The following SCAP variants were observed in gnomAD, a reference collection of about 807,000 sequenced individuals.
SCAP encodes the protein sterol regulatory element-binding protein cleavage-activating protein.
In SCAP, 65 loss-of-function variants were observed where a neutral mutation model predicts 123.6. The observed-to-expected ratio is 0.53, with a 90% CI of 0.43 to 0.65. SCAP has a LOEUF of 0.65. SCAP is among the 30% of genes least tolerant of loss of function. The pLI, the probability that SCAP is intolerant of heterozygous loss-of-function variation, is 0.00. For missense variants in SCAP, 1,398 were observed against 1,712.5 expected (o/e 0.82, Z 3.24); for synonymous variants, 740 against 726.3 (o/e 1.02, Z -0.30).
chr3:47,423,072 A>T (rs1274530493), intron 9 of SCAP, among the ~76,000 whole-genome samples: 1 of 152,124 alleles, frequency 6.6e-6, no homozygotes, highest in African/African-American at 2.4e-5. Context: ...ATTTCGCCCC[A>T]TCTCTTCCTA....
intron 9 of SCAP, among the ~76,000 whole-genome samples, chr3:47,423,426 A>G (rs1434859431): frequency 5.3e-5 from 8 of 152,152 alleles, no homozygotes; most frequent in Non-Finnish European, 1.2e-4. Context: ...CACCAAACAC[A>G]AGCCCCACCC....
At chr3:47,422,574 G>C in intron 9 of SCAP, 38 bp from the exon 10 acceptor site, 1 of 1,518,506 alleles carries the variant, frequency 6.6e-7, no homozygotes, top group Non-Finnish European at 9.0e-7. Context: ...GCAACACATG[G>C]CCACTCTGCG....
chr3:47,473,034 C>T (rs557108909), intron 1 of SCAP, among the ~76,000 whole-genome samples: 2 of 136,752 alleles, frequency 1.5e-5, no homozygotes, highest in East Asian at 4.5e-4. Flanking sequence ...GAGCTGAGAT[C>T]ACGCCATTGC....
rs142984933 is a variant in SCAP at position 47,426,103 on chromosome 3, C to T, written c.804G>A (p.Ala268=). Residue 268 remains alanine, a synonymous_variant, in exon 7 of 23, where the codon GCG becomes GCA. Transcript: ENST00000265565. ...LHPSPNCSLR[A]ESLVHVHFKE... is the part of the protein sequence containing the mutation. ...TGAAGTGCACGTGGACCAGGCTCTC[C>T]GCCCGAAGGCTGCAGTTGGGGCTGG... is the stretch of plus-strand genomic sequence containing the variant. 97 of 1,613,858 alleles carry T rather than the reference C, an allele frequency of 6.0e-5. No homozygotes were observed. Among genetic ancestry groups the T allele is most frequent in the Middle Eastern group, 1.6e-4 (1 of 6,078 alleles).
rs571309652 is a variant in SCAP, at chr3:47,475,601, C to A, written c.-99+198G>T. 7.2e-5 allele frequency: 11 copies of A among 152,330 alleles called. No individual in the cohort carries two copies. The East Asian group carries it at 2.1e-3, about 30-fold the overall frequency. The allele number at this position is 152,330 out of a possible 1,614,324, so 9.4% of individuals were successfully genotyped here. ...GGGCCGGCCGGTGCAGGGACACGGC[C>A]GGGTTGGGGGTGGGGACGCGCGGCC... is the stretch of plus-strand genomic sequence containing the variant. On this transcript the variant is annotated intron_variant, in intron 1 of 22. Coordinates refer to ENST00000265565, the MANE Select transcript of SCAP (RefSeq NM_012235.4).
At chr3:47,430,472 G>A (rs1178891406) in intron 3 of SCAP, among the ~76,000 whole-genome samples, 1 of 152,196 alleles carries the variant, frequency 6.6e-6, no homozygotes, top group Non-Finnish European at 1.5e-5. Context: ...GAAAAGAACA[G>A]GTAGGAGAGG....
At chr3:47,445,849 G>A (rs1198815836) in intron 1 of SCAP, among the ~76,000 whole-genome samples, 1 of 151,052 alleles carries the variant, frequency 6.6e-6, no homozygotes, top group Non-Finnish European at 1.5e-5. Context: ...GGGATTACAG[G>A]TGTGAGCCAC....
chr3:47,442,316 C>T (rs1326626230), intron 2 of SCAP, among the ~76,000 whole-genome samples: 1 of 152,150 alleles, frequency 6.6e-6, no homozygotes. Flanking sequence ...GAAAGACAGA[C>T]AGGAACAAGG....
chr3:47,440,631 G>GTGT (rs1706757171), intron 2 of SCAP, among the ~76,000 whole-genome samples: 1 of 152,202 alleles, frequency 6.6e-6, no homozygotes, highest in Non-Finnish European at 1.5e-5. Context: ...GACACTTTGG[G>GTGT]AAGCCAAGGC....
chr3:47,472,659 G>A (rs1317432725), intron 1 of SCAP, among the ~76,000 whole-genome samples: 4 of 152,062 alleles, frequency 2.6e-5, no homozygotes, highest in East Asian at 1.9e-4. Context: ...ACTGTCAAAT[G>A]GCAGTGGTCA....
rs765534780 is a variant in SCAP, at chr3:47,417,178, G to A, written c.3000C>T (p.Cys1000=). The change falls in exon 18 of 23, where the codon TGC becomes TGT. Residue 1000 remains cysteine, a synonymous_variant. Transcript: ENST00000265565. ...EVWDAIEGVL[C]CSSEEVSSGI... ...CTGAGGAGACCTCCTCGCTGCTGCA[G>A]CACAGCACCCCTTCAATGGCGTCCC... is the stretch of plus-strand genomic sequence containing the variant. The A allele has an allele frequency of 3.1e-6, 5 of 1,612,910 alleles. No homozygotes were observed. Among genetic ancestry groups the A allele is most frequent in the Non-Finnish European group, 4.2e-6 (5 of 1,179,996 alleles).
At chr3:47,427,041 GA>G (rs1706163597) in intron 6 of SCAP, 115 bp downstream of exon 6, 1 of 726,672 alleles carries the variant, frequency 1.4e-6, no homozygotes, top group Non-Finnish European at 2.5e-6. Flanking sequence ...AGGAGGCCTG[GA>G]AACTCTCCCA....
chr3:47,474,630 T>C (rs1420264196), intron 1 of SCAP, among the ~76,000 whole-genome samples: 1 of 151,758 alleles, frequency 6.6e-6, no homozygotes, highest in Non-Finnish European at 1.5e-5. Context: ...CCCCCATCTC[T>C]ACAAAAAAAT....
intron 1 of SCAP, among the ~76,000 whole-genome samples, chr3:47,466,806 C>T (rs1034943913): frequency 6.6e-6 from 1 of 151,996 alleles, no homozygotes; most frequent in Non-Finnish European, 1.5e-5. Flanking sequence ...AACTTTTGGC[C>T]GGGCGTGGTG....
chr3:47,424,072 G>A, intron 8 of SCAP, 27 bp from the exon 9 acceptor site: 1 of 1,566,316 alleles, frequency 6.4e-7, no homozygotes, highest in African/African-American at 1.4e-5. Context: ...AGAAGGTGAG[G>A]ACAGTGTTGT....
At chr3:47,417,860 C>T (rs749578606) in intron 16 of SCAP, 34 bp from the exon 17 acceptor site, 58 of 653,210 alleles carry the variant, frequency 8.9e-5, no homozygotes, top group African/African-American at 5.9e-4. Flanking sequence ...AGAGGGGGCA[C>T]GGGGGAGGGG....
At chr3:47,428,311 C>A (rs534867675) in intron 4 of SCAP, among the ~76,000 whole-genome samples, 1 of 152,254 alleles carries the variant, frequency 6.6e-6, no homozygotes. Flanking sequence ...TATGTGTGTG[C>A]CATCTGCATA....
At position 47,433,762 on chromosome 3, in the gene SCAP, G is replaced by C. The variant is rs369180354; in HGVS notation, c.252+1246C>G. On this transcript the variant is annotated intron_variant, in intron 3 of 22. Coordinates refer to ENST00000265565, the MANE Select transcript of SCAP (RefSeq NM_012235.4). Reference sequence around the variant, plus strand: ...ACATGCCTGTAGTCCCAGGTACTCAGGAGGCTGAGGCAGGAGAATCGCTTT... The same window carrying C: ...ACATGCCTGTAGTCCCAGGTACTCACGAGGCTGAGGCAGGAGAATCGCTTT... Among the ~76,000 whole-genome samples the C allele has an allele frequency of 3.9e-5, 6 of 152,272 alleles. No individual in the cohort carries two copies. The East Asian group carries it at 1.2e-3, about 29-fold the overall frequency.
At chr3:47,418,048 A>T in intron 16 of SCAP, 86 bp downstream of exon 16, 1 of 813,418 alleles carries the variant, frequency 1.2e-6, no homozygotes, top group South Asian at 1.5e-5. Flanking sequence ...ACCTCGGAGG[A>T]AGAAAGGAGG....
Sources: allele counts gnomAD v4.1 joint callset (sites outside exome capture counted in the v4.1 genomes callset), GRCh38; gene constraint gnomAD v4.1.1; transcripts MANE v1.5; gene names NCBI Gene and HGNC (gene_info 2026-07-23, HGNC 2026-07-21).